AOPEP: variants seen among roughly 807,000 people sequenced by gnomAD.
The protein encoded by AOPEP is aminopeptidase O.
AOPEP carries 77 observed loss-of-function variants against 98.1 expected under a neutral mutation model. The observed-to-expected ratio is 0.78, with a 90% CI of 0.65 to 0.95. AOPEP has a LOEUF of 0.95. Ranked by LOEUF, AOPEP falls within the 40% of genes least tolerant of loss-of-function variation. AOPEP has a pLI of 0.00. For synonymous variants in AOPEP, 346 were observed against 365.3 expected (o/e 0.95, Z 0.60); for missense variants, 1,024 against 1,024.7 (o/e 1.00, Z 0.01).
chr9:95,042,387 C>T (rs1014487191), intron 13 of AOPEP, among the ~76,000 whole-genome samples: 1 of 152,056 alleles, frequency 6.6e-6, no homozygotes, highest in African/African-American at 2.4e-5. Context: ...ATGTCATTGT[C>T]CTTAGGTGTT....
chr9:95,011,288 C>T (rs972862442), intron 13 of AOPEP, among the ~76,000 whole-genome samples: 5 of 150,528 alleles, frequency 3.3e-5, no homozygotes, highest in Admixed American at 2.6e-4. Context: ...CTCCACCTCG[C>T]GGGTTCCAGC....
intron 6 of AOPEP, among the ~76,000 whole-genome samples, chr9:94,926,937 A>G (rs907726518): frequency 6.6e-6 from 1 of 152,192 alleles, no homozygotes; most frequent in Non-Finnish European, 1.5e-5. Flanking sequence ...CAACCTGGAG[A>G]AAGTCTAAAT....
At chr9:94,910,768 C>T (rs1164382596) in intron 5 of AOPEP, among the ~76,000 whole-genome samples, 1 of 152,136 alleles carries the variant, frequency 6.6e-6, no homozygotes, top group Non-Finnish European at 1.5e-5. Context: ...CCTAACACAT[C>T]TGCAGAGAAG....
At chr9:94,925,283 C>T (rs2054152196) in intron 6 of AOPEP, among the ~76,000 whole-genome samples, 2 of 152,246 alleles carry the variant, frequency 1.3e-5, no homozygotes, top group Admixed American at 1.3e-4. Context: ...GCCACCGCGC[C>T]CAGCCTCAAG....
At chr9:95,117,904 TAG>T in the AOPEP span, among the ~76,000 whole-genome samples, 3 of 152,154 alleles carry the variant, frequency 2.0e-5, no homozygotes, top group African/African-American at 7.2e-5. Context: ...TACTTTTTAG[TAG>T]AGACAGAGTT....
intron 5 of AOPEP, among the ~76,000 whole-genome samples, chr9:94,801,801 C>T (rs1588286996): frequency 6.6e-6 from 1 of 152,266 alleles, no homozygotes; most frequent in East Asian, 1.9e-4. Context: ...GAAAAATAAG[C>T]TCATCAAAAC....
intron 1 of AOPEP, among the ~76,000 whole-genome samples, chr9:94,745,131 T>C (rs945573616): frequency 7.9e-5 from 12 of 152,290 alleles, no homozygotes; most frequent in Admixed American, 2.6e-4. Flanking sequence ...TATTGCTGAC[T>C]GTAGTCACCC....
downstream of AOPEP, among the ~76,000 whole-genome samples, chr9:95,089,105 A>T (rs2070830855): frequency 6.6e-6 from 1 of 152,106 alleles, no homozygotes; most frequent in Admixed American, 6.5e-5. Context: ...GCCTCAGCTG[A>T]CTCTGAATGG....
chr9:94,759,442 A>G (rs566418563), intron 1 of AOPEP, among the ~76,000 whole-genome samples: 2 of 152,342 alleles, frequency 1.3e-5, no homozygotes, highest in Admixed American at 6.5e-5. Context: ...GGCCCATGCC[A>G]TCCAGTTGGT....
intron 5 of AOPEP, among the ~76,000 whole-genome samples, chr9:94,862,165 G>A (rs775436179): frequency 6.6e-6 from 1 of 152,182 alleles, no homozygotes; most frequent in Non-Finnish European, 1.5e-5. Context: ...CACCTCATCA[G>A]AGTATGTGAG....
At chr9:94,979,180 G>C (rs527641173) in intron 10 of AOPEP, among the ~76,000 whole-genome samples, 187 bp from the exon 11 acceptor site, 1 of 152,276 alleles carries the variant, frequency 6.6e-6, no homozygotes, top group East Asian at 1.9e-4. Context: ...TGTGGGTGAA[G>C]AGGAGCGGTC....
At chr9:94,797,054 T>A (rs10993349) in intron 4 of AOPEP, among the ~76,000 whole-genome samples, 13,501 of 152,258 alleles carry the variant, frequency 0.089, 714 homozygotes, top group African/African-American at 0.13. Flanking sequence ...TCTTTAGAGT[T>A]GTAAAGTATA....
intron 13 of AOPEP, among the ~76,000 whole-genome samples, chr9:95,027,799 C>T (rs879739580): frequency 5.9e-5 from 9 of 152,172 alleles, no homozygotes; most frequent in Admixed American, 5.9e-4. Context: ...GTTTTCAAGT[C>T]CAAATGACCA....
intron 1 of AOPEP, among the ~76,000 whole-genome samples, chr9:94,740,652 C>G (rs1832860675): frequency 6.6e-6 from 1 of 152,010 alleles, no homozygotes; most frequent in Non-Finnish European, 1.5e-5. Context: ...ATGCAGGACA[C>G]AAGATCACAT....
chr9:95,141,034 GCA>G, the AOPEP span, among the ~76,000 whole-genome samples: 1 of 152,084 alleles, frequency 6.6e-6, no homozygotes, highest in African/African-American at 2.4e-5. Flanking sequence ...ATGTGGCTGG[GCA>G]CAGTGTCTCA....
At chr9:94,753,558 G>A (rs1305982276) in intron 1 of AOPEP, among the ~76,000 whole-genome samples, 1 of 152,084 alleles carries the variant, frequency 6.6e-6, no homozygotes, top group Non-Finnish European at 1.5e-5. Context: ...ATAAAGCTAA[G>A]AAGCAAAGAA....
chr9:94,789,716 C>T (rs1431316542), intron 3 of AOPEP, among the ~76,000 whole-genome samples: 1 of 152,132 alleles, frequency 6.6e-6, no homozygotes. Flanking sequence ...TTCATCAAGA[C>T]GTCTGTGACT....
At chr9:94,742,633 C>T (rs1277500604) in intron 1 of AOPEP, among the ~76,000 whole-genome samples, 4 of 151,988 alleles carry the variant, frequency 2.6e-5, no homozygotes, top group Non-Finnish European at 5.9e-5. Context: ...CAGGGTTTCA[C>T]CATGTTGGCC....
At chr9:95,138,083 T>C in the AOPEP span, among the ~76,000 whole-genome samples, 1 of 152,262 alleles carries the variant, frequency 6.6e-6, no homozygotes, top group Non-Finnish European at 1.5e-5. Flanking sequence ...TGATGCTGTT[T>C]CGCTTGCACT....
Sources: gnomAD v4.1 joint callset for allele counts (sites outside exome capture counted in the v4.1 genomes callset) on GRCh38, gnomAD v4.1.1 for gene constraint, MANE v1.5 for transcripts, NCBI Gene and HGNC (gene_info 2026-07-23, HGNC 2026-07-21) for gene names.